Variants in C4orf50 observed in about 807,000 individuals in gnomAD.
C4orf50 encodes the protein chromosome 4 open reading frame 50.
C4orf50 carries 80 observed loss-of-function variants against 77.2 expected under a neutral mutation model. The observed-to-expected ratio is 1.04, with a 90% CI of 0.87 to 1.25. The LOEUF is 1.25. C4orf50 is among the 50% of genes most tolerant of loss of function. The pLI is 0.00. For missense variants in C4orf50, 1,257 were observed against 1,152.9 expected, an observed-to-expected ratio of 1.09 and a Z score of -1.31; for synonymous variants, 532 against 465.3, an observed-to-expected ratio of 1.14 and a Z score of -1.84.
At chr4:5,993,765 C>G (rs747971565) in intron 26 of C4orf50, among the ~76,000 whole-genome samples, 1 of 149,546 alleles carries the variant, frequency 6.7e-6, no homozygotes, top group Non-Finnish European at 1.5e-5. Context: ...TGCAGTGAGC[C>G]GAGATCACAC....
chr4:5,987,360 G>A (rs1245833925), intron 28 of C4orf50, among the ~76,000 whole-genome samples: 1 of 119,466 alleles, frequency 8.4e-6, no homozygotes, highest in African/African-American at 3.2e-5. Flanking sequence ...ACAGTGAGCC[G>A]AGATCCCACC....
chr4:5,942,904 C>T (rs971269394), intron 7 of C4orf50, among the ~76,000 whole-genome samples: 1 of 152,126 alleles, frequency 6.6e-6, no homozygotes, highest in African/African-American at 2.4e-5. Flanking sequence ...TGAAAATGAA[C>T]ATCTCTTACT....
At position 5,950,960 on chromosome 4, in the gene C4orf50, C is replaced by T. The variant is rs185656704; in HGVS notation, c.*2474+5941G>A. On this transcript the variant is annotated intron_variant, in intron 7 of 7. Coordinates refer to the C4orf50 transcript ENST00000324058. ...AGTGACAAGAGTCCCTCCAGGTCAG[C>T]ATAAGCATGAGTGAGACAAGGTGCT... 2.6e-5 allele frequency among the ~76,000 whole-genome samples: 4 copies of T among 152,348 alleles called. No homozygotes were observed. In the East Asian group the frequency reaches 7.7e-4, roughly 29 times the overall value.
intron 25 of C4orf50, among the ~76,000 whole-genome samples, chr4:6,003,656 GTGA>G (rs71943991): frequency 7.0e-6 from 1 of 142,822 alleles, no homozygotes; most frequent in African/African-American, 2.6e-5. Flanking sequence ...AGTGATGATG[GTGA>G]TGATGGTGAT....
At chr4:6,004,163 A>ATGATGTTGATGATG (rs1560598624) in intron 25 of C4orf50, among the ~76,000 whole-genome samples, 1 of 24,384 alleles carries the variant, frequency 4.1e-5, no homozygotes, top group African/African-American at 1.1e-4. Context: ...TGGTGATGAT[A>ATGATGTTGATGATG]GTGATGATGG....
downstream of C4orf50, among the ~76,000 whole-genome samples, chr4:5,955,333 G>T (rs1718908976): frequency 6.6e-6 from 1 of 152,032 alleles, no homozygotes; most frequent in African/African-American, 2.4e-5. This position sits in a 1 kb window ranked among gnomAD's most constrained non-coding sequence, Gnocchi z 5.1. Flanking sequence ...AAGAGCTGGG[G>T]TCCAAAGCCA....
rs549972076 is a variant in C4orf50 at position 5,990,375 on chromosome 4, C to T, written c.1671G>A (p.Gly557=). 41 of 449,950 alleles carry T rather than the reference C, an allele frequency of 9.1e-5. 1 individual carries two copies. In the South Asian group the frequency reaches 4.4e-3, roughly 49 times the overall value. The allele number at this position is 449,950 out of a possible 1,614,324, so 27.9% of individuals were successfully genotyped here. Residue 557 remains glycine (G), a synonymous_variant, in exon 28 of 34, where the codon GGG becomes GGA. Coordinates refer to ENST00000531445, the Ensembl canonical transcript of C4orf50. ...CCCTTGCCTTCCCCTCTTCAGTTCT[C>T]CCCGCAAGGCTTCCTCCTCCATTGT... is the stretch of plus-strand genomic sequence containing the variant.
At chr4:6,002,802 A>G (rs1286279553) in intron 25 of C4orf50, among the ~76,000 whole-genome samples, 1 of 152,208 alleles carries the variant, frequency 6.6e-6, no homozygotes, top group African/African-American at 2.4e-5. Flanking sequence ...TGGATATGAA[A>G]GGAAAGGCAG....
At chr4:5,994,643 G>A (rs1030521960) in intron 25 of C4orf50, among the ~76,000 whole-genome samples, 167 bp from the exon 4 acceptor site, 1 of 152,184 alleles carries the variant, frequency 6.6e-6, no homozygotes, top group Non-Finnish European at 1.5e-5. Context: ...GCCCAGCCCC[G>A]GCCTTGTGCT....
At position 5,969,526 on chromosome 4, in the gene C4orf50, C is replaced by T. The variant is rs528698960; in HGVS notation, c.4105-2064G>A. On this transcript the variant is annotated intron_variant, in intron 31 of 33. Coordinates refer to ENST00000531445, the Ensembl canonical transcript of C4orf50. ...CTTACTAGGTCACCTACCTCTTTGCCCCGACTGGATGACTCTCCCCTGCTA... is the reference window on the plus strand; with the variant it reads ...CTTACTAGGTCACCTACCTCTTTGCTCCGACTGGATGACTCTCCCCTGCTA... Among the ~76,000 whole-genome samples, 3 of 151,800 alleles carry T rather than the reference C, an allele frequency of 2.0e-5. No homozygotes were observed. The South Asian group carries it at 6.3e-4, about 32-fold the overall frequency.
At chr4:5,949,974 A>G (rs1718647456) in intron 7 of C4orf50, among the ~76,000 whole-genome samples, 1 of 134,210 alleles carries the variant, frequency 7.5e-6, no homozygotes, top group Non-Finnish European at 1.6e-5. Flanking sequence ...GGGCAACAAG[A>G]GTGAAACTCC....
At chr4:5,904,180 G>T (rs1382599402) in intron 7 of C4orf50, 1 of 152,258 alleles carries the variant, frequency 6.6e-6, no homozygotes. Flanking sequence ...CATCTTCCTG[G>T]GCGATGCTGA....
chr4:5,988,385 G>A lies in C4orf50; in HGVS notation c.3661C>T (p.Gln1221Ter), dbSNP rs768830204. 1 of 1,613,824 alleles carries A rather than the reference G, an allele frequency of 6.2e-7. No homozygotes were observed. Among genetic ancestry groups the A allele is most frequent in the Non-Finnish European group, 8.5e-7 (1 of 1,180,008 alleles). The stretch of plus-strand genomic sequence containing the variant: ...CTCAGGGAGCTCAGAGCTTGCCCCT[G>A]AGCCACAGAACACCTGGGCCTCTTC... The change falls in exon 28 of 34, where the codon CAG (glutamine) becomes TAG (stop). Residue 1221 changes from glutamine (Q) to a stop codon, truncating the protein, a stop_gained. Transcript: ENST00000531445. LOFTEE classifies it high-confidence loss of function.
chr4:5,983,430 T>C (rs986095610), intron 28 of C4orf50, among the ~76,000 whole-genome samples: 1 of 152,338 alleles, frequency 6.6e-6, no homozygotes, highest in African/African-American at 2.4e-5. Context: ...CCAGCCTCTG[T>C]CCTGCCTCAA....
intron 25 of C4orf50, among the ~76,000 whole-genome samples, chr4:5,998,412 C>A (rs1721690373): frequency 6.6e-6 from 1 of 152,094 alleles, no homozygotes; most frequent in African/African-American, 2.4e-5. Context: ...GAGAGAGAAA[C>A]AAATGTGTAA....
intron 7 of C4orf50, among the ~76,000 whole-genome samples, chr4:5,935,782 T>C (rs1357642293): frequency 3.1e-5 from 2 of 64,036 alleles, no homozygotes; most frequent in African/African-American, 2.1e-4. Context: ...GGAGACTCCG[T>C]CTAAAAAAAA....
intron 25 of C4orf50, among the ~76,000 whole-genome samples, chr4:5,995,243 G>T (rs963837821): frequency 1.3e-5 from 2 of 152,214 alleles, no homozygotes; most frequent in Admixed American, 6.5e-5. Context: ...CTGTGCAGAG[G>T]TTCTTTCCAT....
chr4:5,948,960 CAA>C (rs765201490), intron 7 of C4orf50, among the ~76,000 whole-genome samples: 14 of 87,114 alleles, frequency 1.6e-4, no homozygotes, highest in African/African-American at 1.8e-4. Flanking sequence ...GACTCCATCT[CAA>C]AAAAAAAAAA....
At chr4:5,989,138 T>A (rs1248902190) in exon 28 of C4orf50, 1 of 1,535,708 alleles carries the variant, frequency 6.5e-7, no homozygotes, top group East Asian at 2.4e-5. Context: ...GATATTTTTG[T>A]CACCTCTCTC....
Sources: allele counts gnomAD v4.1 joint callset (sites outside exome capture counted in the v4.1 genomes callset), GRCh38; gene constraint gnomAD v4.1.1; non-coding constraint Gnocchi (gnomAD v3.1); transcripts MANE v1.5; gene names NCBI Gene and HGNC (gene_info 2026-07-23, HGNC 2026-07-21).